AADAT: variants seen among roughly 807,000 people sequenced by gnomAD.
The protein encoded by AADAT is aminoadipate aminotransferase.
A neutral mutation model predicts 56.2 loss-of-function variants in AADAT; 25 were observed. The ratio of observed to expected loss-of-function variants is 0.44; its 90% CI spans 0.32 to 0.62. AADAT has a LOEUF of 0.62. AADAT is among the 20% of genes least tolerant of loss of function. The pLI is 0.04. For synonymous variants in AADAT, 173 were observed against 164.7 expected (o/e 1.05, Z -0.39); for missense variants, 387 against 510.5 (o/e 0.76, Z 2.33).
At chr4:170,089,142 G>A (rs1259199180) in intron 1 of AADAT, 1 of 251,216 alleles carries the variant, frequency 4.0e-6, no homozygotes, top group Non-Finnish European at 8.0e-6. Context: ...AAGAATGAAG[G>A]TGACCAAAGA....
At chr4:170,073,645 G>A (rs1731886140) in intron 4 of AADAT, among the ~76,000 whole-genome samples, 1 of 151,868 alleles carries the variant, frequency 6.6e-6, no homozygotes, top group African/African-American at 2.4e-5. Flanking sequence ...GACTACAGGT[G>A]CACGCCACCA....
chr4:170,066,485 A>G lies in AADAT; in HGVS notation c.963-7T>C, dbSNP rs1480544. 841,139 of 1,607,470 alleles carry G rather than the reference A, an allele frequency of 0.52. 232,318 individuals are homozygous for G. Among genetic ancestry groups the G allele is most frequent in the East Asian group, 0.98 (43,796 of 44,820 alleles). ...ACTATAGAAATCAATAACCCTAGAA[A>G]AAGAAAACAATGAAATGGATGTGCT... On this transcript the variant is annotated splice_region_variant and splice_polypyrimidine_tract_variant and intron_variant, in intron 9 of 12. Coordinates refer to ENST00000337664, the MANE Select transcript of AADAT (RefSeq NM_016228.4).
intron 11 of AADAT, 105 bp downstream of exon 11, chr4:170,064,614 T>C: frequency 1.2e-6 from 1 of 834,436 alleles, no homozygotes; most frequent in Non-Finnish European, 1.9e-6. Flanking sequence ...ATGAGTTGGC[T>C]GGTGGGCAAC....
chr4:170,093,929 A>G (rs78051435), upstream of AADAT, among the ~76,000 whole-genome samples: 3,451 of 152,278 alleles, frequency 0.023, 55 homozygotes, highest in Non-Finnish European at 0.038. Flanking sequence ...TACGTAATTA[A>G]TTGATTTTTT....
chr4:170,075,086 T>C (rs184303238), intron 4 of AADAT, among the ~76,000 whole-genome samples: 1 of 152,318 alleles, frequency 6.6e-6, no homozygotes, highest in East Asian at 1.9e-4. Context: ...ACTAAACACA[T>C]ACTGCTTATT....
chr4:170,066,656 G>GT (rs1731477766), intron 9 of AADAT, among the ~76,000 whole-genome samples, 178 bp from the exon 10 acceptor site: 1 of 152,132 alleles, frequency 6.6e-6, no homozygotes, highest in Non-Finnish European at 1.5e-5. Context: ...TAACTGCTGT[G>GT]TTTTTTCCTT....
At chr4:170,064,055 A>G (rs184294601) in intron 11 of AADAT, among the ~76,000 whole-genome samples, 5 of 152,334 alleles carry the variant, frequency 3.3e-5, no homozygotes, top group African/African-American at 1.2e-4. Context: ...ACTATGTAAC[A>G]TAAGTGCACA....
At chr4:170,061,089 A>G in intron 12 of AADAT, 120 bp from the exon 13 acceptor site, 1 of 641,700 alleles carries the variant, frequency 1.6e-6, no homozygotes, top group Non-Finnish European at 2.4e-6. Context: ...AGGCATTGAA[A>G]AGTCAAGTTT....
rs1468604612 is a variant in AADAT at position 170,069,166 on chromosome 4, GAA to G, written c.783_784del (p.Ser262LysfsTer37). 6.2e-7 allele frequency: 1 copy of G among 1,613,310 alleles called. No homozygotes were observed. The highest frequency in any genetic ancestry group is 1.3e-5 in the African/African-American group (1 of 74,944). ...GCCTTACCCAGAGGAAATGATTTTT[GAA>G]AAAGAGTCAGCTCTGATGACACGTC... On this transcript the variant is annotated frameshift_variant, in exon 7 of 13. Coordinates refer to ENST00000337664, the MANE Select transcript of AADAT (RefSeq NM_016228.4). LOFTEE classifies it high-confidence loss of function.
At chr4:170,068,040 A>G (rs1581572692) in intron 8 of AADAT, among the ~76,000 whole-genome samples, 1 of 151,658 alleles carries the variant, frequency 6.6e-6, no homozygotes, top group African/African-American at 2.4e-5. Context: ...TCGAGAGGCT[A>G]AGGCAGGAGA....
Position 170,061,867 on chromosome 4 carries a change from A to T in AADAT, c.1236+25T>A, listed in dbSNP as rs757357837. The T allele has an allele frequency of 5.8e-6, 9 of 1,542,548 alleles. No individual in the cohort carries two copies. In the South Asian group the frequency reaches 8.1e-5, roughly 14 times the overall value. ...AAAAACAGAACTGCTAGCTAGTGTT[A>T]CTCTGAGGAGAATACTACACTCACC... is the stretch of plus-strand genomic sequence containing the variant. On this transcript the variant is annotated intron_variant, in intron 12 of 12. Coordinates refer to ENST00000337664, the MANE Select transcript of AADAT (RefSeq NM_016228.4).
intron 1 of AADAT, 109 bp from the exon 2 acceptor site, chr4:170,088,673 G>T: frequency 1.8e-6 from 2 of 1,127,386 alleles, no homozygotes; most frequent in Non-Finnish European, 2.6e-6. Flanking sequence ...GATTTCTAGT[G>T]ATAGAGTGTG....
intron 3 of AADAT, among the ~76,000 whole-genome samples, chr4:170,082,834 G>C (rs956547179): frequency 3.3e-5 from 5 of 151,624 alleles, no homozygotes; most frequent in Non-Finnish European, 7.4e-5. Flanking sequence ...AACAAAGAAG[G>C]TCACTATATA....
intron 6 of AADAT, among the ~76,000 whole-genome samples, chr4:170,069,921 A>G (rs1391131671): frequency 6.6e-6 from 1 of 152,158 alleles, no homozygotes; most frequent in Non-Finnish European, 1.5e-5. Context: ...CTTTTGAAGA[A>G]TCAGGCGTTG....
At chr4:170,078,614 G>C (rs768149318) in intron 3 of AADAT, 31 bp from the exon 4 acceptor site, 1 of 1,501,140 alleles carries the variant, frequency 6.7e-7, no homozygotes, top group South Asian at 1.2e-5. Context: ...TAGCTTGTTA[G>C]TCAGCATAGG....
intron 9 of AADAT, among the ~76,000 whole-genome samples, chr4:170,066,727 T>C (rs1415185425): frequency 6.6e-6 from 1 of 152,196 alleles, no homozygotes; most frequent in Non-Finnish European, 1.5e-5. Flanking sequence ...ATGTAAAATA[T>C]GGAACCTAGA....
In AADAT at chr4:170,064,836, AAG is replaced by A; in HGVS notation, c.1028-13_1028-12del. 1.2e-6 allele frequency: 2 copies of A among 1,603,118 alleles called. No homozygotes were observed. The highest frequency in any genetic ancestry group is 1.7e-6 in the Non-Finnish European group (2 of 1,176,134). On this transcript the variant is annotated splice_polypyrimidine_tract_variant and intron_variant, in intron 10 of 12. Coordinates refer to ENST00000337664, the MANE Select transcript of AADAT (RefSeq NM_016228.4). ...GCCATTCTGCCAAACCTACAAACAA[AAG>A]AAGAGAATAAATGTCTTCCAAAGGA...
Position 170,089,670 on chromosome 4 carries a change from G to A in AADAT, c.21C>T (p.Ile7=), listed in dbSNP as rs781349483. The A allele has an allele frequency of 1.2e-6, 2 of 1,614,194 alleles. No homozygotes were observed. Among genetic ancestry groups the A allele is most frequent in the South Asian group, 2.2e-5 (2 of 91,086 alleles). Residue 7 remains isoleucine, a synonymous_variant, in exon 1 of 13, where the codon ATC becomes ATT. Transcript: ENST00000337664. ...GGTTTCTGGCTGCGCTCGCTGCCGTGATGAACCGTGCGTAATTCATGTCTT... is the reference window on the plus strand; with the variant it reads ...GGTTTCTGGCTGCGCTCGCTGCCGTAATGAACCGTGCGTAATTCATGTCTT... The part of the protein sequence containing the change: MNYARF[I]TAASAARNPS...
intron 11 of AADAT, among the ~76,000 whole-genome samples, chr4:170,063,673 G>C (rs1306411113): frequency 6.6e-6 from 1 of 152,158 alleles, no homozygotes; most frequent in Non-Finnish European, 1.5e-5. Flanking sequence ...TCTGTCTCTA[G>C]CTCTAACTTC....
Sources: allele counts gnomAD v4.1 joint callset (sites outside exome capture counted in the v4.1 genomes callset), GRCh38; gene constraint gnomAD v4.1.1; transcripts MANE v1.5; gene names NCBI Gene and HGNC (gene_info 2026-07-23, HGNC 2026-07-21).